The following MGAT4C variants were observed in gnomAD, a reference collection of about 807,000 sequenced individuals.
The protein encoded by MGAT4C is MGAT4 family member C, also known as alpha-1,3-mannosyl-glycoprotein 4-beta-N-acetylglucosaminyltransferase C.
In MGAT4C, 19 loss-of-function variants were observed where a neutral mutation model predicts 40.1. The observed-to-expected ratio is 0.47, with a 90% CI of 0.33 to 0.70. MGAT4C has a LOEUF of 0.70. MGAT4C is among the 30% of genes least tolerant of loss of function. The pLI, the probability that MGAT4C is intolerant of heterozygous loss-of-function variation, is 0.02. For missense variants in MGAT4C, 491 were observed against 563.2 expected (o/e 0.87, Z 1.30); for synonymous variants, 181 against 187.1 (o/e 0.97, Z 0.27).
chr12:86,018,952 T>G (rs2136854756), intron 2 of MGAT4C, among the ~76,000 whole-genome samples: 1 of 152,216 alleles, frequency 6.6e-6, no homozygotes, highest in Admixed American at 6.5e-5. Context: ...ATATTAAAGC[T>G]AATTGAGACA....
intron 3 of MGAT4C, among the ~76,000 whole-genome samples, chr12:86,432,323 G>C (rs1261136517): frequency 6.6e-6 from 1 of 152,068 alleles, no homozygotes; most frequent in Admixed American, 6.6e-5. Context: ...AGATGTTTCT[G>C]TGAAGTAGCA....
chr12:86,764,954 A>C (rs1362924538), intron 1 of MGAT4C, among the ~76,000 whole-genome samples: 2 of 152,214 alleles, frequency 1.3e-5, no homozygotes, highest in Non-Finnish European at 2.9e-5. Context: ...TAAAAAGCAG[A>C]GCGCCTCTCC....
At chr12:86,799,453 A>T (rs1477160109) in intron 1 of MGAT4C, among the ~76,000 whole-genome samples, 1 of 151,836 alleles carries the variant, frequency 6.6e-6, no homozygotes, top group African/African-American at 2.4e-5. Context: ...GATACTGCAA[A>T]GGTTTTAGTT....
intron 3 of MGAT4C, among the ~76,000 whole-genome samples, chr12:86,351,786 A>G (rs1441485777): frequency 3.3e-5 from 5 of 152,026 alleles, no homozygotes; most frequent in African/African-American, 1.2e-4. Context: ...TAAGATCCTA[A>G]CGACTATAGT....
chr12:86,597,766 C>T (rs184181793), intron 2 of MGAT4C, among the ~76,000 whole-genome samples: 3 of 152,212 alleles, frequency 2.0e-5, no homozygotes, highest in Non-Finnish European at 2.9e-5. Flanking sequence ...CAATCAATCA[C>T]CCCAATTTCC....
intron 1 of MGAT4C, among the ~76,000 whole-genome samples, chr12:86,105,968 G>A (rs1876083408): frequency 6.6e-6 from 1 of 152,108 alleles, no homozygotes; most frequent in Admixed American, 6.6e-5. Flanking sequence ...TACTTTTAAA[G>A]TCTGAACCTA....
chr12:86,272,074 A>G (rs1199450858), intron 4 of MGAT4C, among the ~76,000 whole-genome samples: 1 of 152,212 alleles, frequency 6.6e-6, no homozygotes, highest in East Asian at 1.9e-4. Flanking sequence ...AATAAATTCA[A>G]TATTTATAGT....
intron 3 of MGAT4C, among the ~76,000 whole-genome samples, chr12:86,362,758 C>T (rs80067421): frequency 0.093 from 13,800 of 148,536 alleles, 795 homozygotes; most frequent in Middle Eastern, 0.22. Flanking sequence ...TCCCAGCTAC[C>T]TGGGAGGCTG....
intron 1 of MGAT4C, among the ~76,000 whole-genome samples, chr12:86,804,291 A>G (rs1415829922): frequency 1.4e-5 from 2 of 138,996 alleles, no homozygotes; most frequent in East Asian, 4.5e-4. Context: ...GGGGAGGGAT[A>G]GCATTGGGAG....
At chr12:86,552,793 C>T (rs1959429930) in intron 2 of MGAT4C, among the ~76,000 whole-genome samples, 1 of 152,046 alleles carries the variant, frequency 6.6e-6, no homozygotes, top group African/African-American at 2.4e-5. Flanking sequence ...CTCAGTAACT[C>T]TTGTGAAGTA....
intron 2 of MGAT4C, among the ~76,000 whole-genome samples, chr12:86,455,069 C>A (rs1254734646): frequency 6.6e-6 from 1 of 151,878 alleles, no homozygotes; most frequent in Non-Finnish European, 1.5e-5. Context: ...ATTGTGAATC[C>A]TTTTATTTAT....
intron 1 of MGAT4C, among the ~76,000 whole-genome samples, chr12:86,209,463 T>G (rs1336837265): frequency 6.6e-6 from 1 of 152,150 alleles, no homozygotes; most frequent in Non-Finnish European, 1.5e-5. Context: ...TTTGACACAG[T>G]TATCTTTCAA....
At chr12:86,544,242 A>G (rs1327105544) in intron 2 of MGAT4C, among the ~76,000 whole-genome samples, 1 of 152,196 alleles carries the variant, frequency 6.6e-6, no homozygotes, top group Non-Finnish European at 1.5e-5. Flanking sequence ...ATATTCCTGC[A>G]TACATATTTG....
At chr12:86,835,065 C>T (rs1953009024) in intron 1 of MGAT4C, among the ~76,000 whole-genome samples, 2 of 151,684 alleles carry the variant, frequency 1.3e-5, no homozygotes, top group Non-Finnish European at 2.9e-5. Flanking sequence ...CCAAAATTTT[C>T]CAAATATCAA....
intron 4 of MGAT4C, among the ~76,000 whole-genome samples, chr12:86,294,723 A>T (rs527883320): frequency 6.6e-6 from 1 of 152,254 alleles, no homozygotes; most frequent in African/African-American, 2.4e-5. Flanking sequence ...GTTGTCTCAA[A>T]CCTGTGACTC....
chr12:86,552,498 A>C (rs1959415767), intron 2 of MGAT4C, among the ~76,000 whole-genome samples: 1 of 152,114 alleles, frequency 6.6e-6, no homozygotes, highest in Admixed American at 6.5e-5. Context: ...TATATCATAT[A>C]ATTTCAAATA....
At chr12:86,503,837 A>T (rs1958420796) in intron 2 of MGAT4C, among the ~76,000 whole-genome samples, 1 of 109,172 alleles carries the variant, frequency 9.2e-6, no homozygotes, top group Admixed American at 1.1e-4. Context: ...TTTTCTGCTA[A>T]ATTTTGCTAC....
chr12:86,603,455 T>G (rs1332148302), intron 2 of MGAT4C, among the ~76,000 whole-genome samples: 1 of 117,194 alleles, frequency 8.5e-6, no homozygotes, highest in African/African-American at 3.9e-5. Flanking sequence ...GTCTATAGAC[T>G]ATATAATATA....
chr12:86,138,977 G>C (rs1162456633), intron 1 of MGAT4C, among the ~76,000 whole-genome samples: 2 of 151,976 alleles, frequency 1.3e-5, no homozygotes, highest in Non-Finnish European at 2.9e-5. Context: ...CGTGTGAAAG[G>C]CCACAATGGA....
Sources: gnomAD v4.1 joint callset for allele counts (sites outside exome capture counted in the v4.1 genomes callset) on GRCh38, gnomAD v4.1.1 for gene constraint, MANE v1.5 for transcripts, NCBI Gene and HGNC (gene_info 2026-07-23, HGNC 2026-07-21) for gene names.